The following PCDHGA11 variants were observed in gnomAD, a reference collection of about 807,000 sequenced individuals.
The protein encoded by PCDHGA11 is protocadherin gamma subfamily A, 11.
PCDHGA11 carries 39 observed loss-of-function variants against 60.4 expected under a neutral mutation model. The observed-to-expected ratio is 0.65, with a 90% CI of 0.50 to 0.84. PCDHGA11 has a LOEUF of 0.84. Ranked by LOEUF, PCDHGA11 falls within the 40% of genes least tolerant of loss-of-function variation. The pLI is 0.00. For synonymous variants in PCDHGA11, 533 were observed against 510.3 expected, an observed-to-expected ratio of 1.04 and a Z score of -0.60; for missense variants, 1,165 against 1,197.7, an observed-to-expected ratio of 0.97 and a Z score of 0.40.
chr5:141,486,901 T>A lies in PCDHGA11; in HGVS notation c.2434-7906T>A. The A allele has an allele frequency of 6.2e-7, 1 of 1,614,238 alleles. No homozygotes were observed. Among genetic ancestry groups the A allele is most frequent in the Non-Finnish European group, 8.5e-7 (1 of 1,180,042 alleles). ...CTCGGGCCCGGCCTGGTTCCTTATG[T>A]CCCCAAGCACTGCCTCCATCAGTTG... On this transcript the variant is annotated intron_variant, in intron 1 of 3. Transcript: ENST00000398587. This position sits in a 1 kb window ranked among gnomAD's most constrained non-coding sequence, Gnocchi z 5.0.
At position 141,486,634 on chromosome 5, in the gene PCDHGA11, T is replaced by C; in HGVS notation, c.2434-8173T>C. 1 of 1,613,762 alleles carries C rather than the reference T, an allele frequency of 6.2e-7. No individual in the cohort carries two copies. The highest frequency in any genetic ancestry group is 8.5e-7 in the Non-Finnish European group (1 of 1,180,044). ...CCTCTGACCCAGACTCTGGCTTGAA[T>C]GCGCTTATCTCCTACTCACTCCTGG... On this transcript the variant is annotated intron_variant, in intron 1 of 3. Coordinates refer to ENST00000398587, the MANE Select transcript of PCDHGA11 (RefSeq NM_018914.3). The surrounding 1 kb of genome is among the most constrained non-coding windows in gnomAD (Gnocchi z 5.0).
rs2096779089 is a variant in PCDHGA11, at chr5:141,423,760, G to GA, written c.2433+100_2433+101insA. On this transcript the variant is annotated intron_variant, in intron 1 of 3. Transcript: ENST00000398587. ...GTTATGAAAACTGTTTGGGGGGGGG[G>GA]TGGGGCGGCATATATTTAGTTCATA... 1.1e-5 allele frequency: 3 copies of GA among 279,664 alleles called. 1 individual carries two copies. Among genetic ancestry groups the GA allele is most frequent in the African/African-American group, 6.7e-5 (2 of 29,702 alleles). The allele number at this position is 279,664 out of a possible 1,614,324, so 17.3% of individuals were successfully genotyped here.
chr5:141,507,937 A>T (rs2154594220), intron 3 of PCDHGA11: 1 of 152,420 alleles, frequency 6.6e-6, no homozygotes, highest in Admixed American at 6.5e-5. Context: ...AGAGGGGTTA[A>T]GTAAGAGGGA....
Position 141,422,942 on chromosome 5 carries a change from G to A in PCDHGA11, c.1715G>A (p.Gly572Asp), listed in dbSNP as rs199976232. Reference sequence around the variant, plus strand: ...CTGTACCCTGCCCTCCCCACAGACGGCTCCACTGGCGTGGAGCTGGCGCCC... The same window carrying A: ...CTGTACCCTGCCCTCCCCACAGACGACTCCACTGGCGTGGAGCTGGCGCCC... ...EILYPALPTD[G>D]STGVELAPRS... The change falls in exon 1 of 4, where the codon GGC becomes GAC. Residue 572 changes from glycine to aspartate, a missense_variant. Physicochemically the swap from Gly to Asp is moderately conservative, Grantham distance 94. Transcript: ENST00000398587. 3.1e-6 allele frequency: 5 copies of A among 1,614,096 alleles called. No individual in the cohort carries two copies. Among genetic ancestry groups the A allele is most frequent in the Non-Finnish European group, 4.2e-6 (5 of 1,180,046 alleles).
rs536313993 is a variant in PCDHGA11, at chr5:141,436,142, T to G, written c.2433+12482T>G. Among the ~76,000 whole-genome samples, 46 of 152,334 alleles carry G rather than the reference T, an allele frequency of 3.0e-4. No homozygotes were observed. The South Asian group carries it at 3.1e-3, about 10-fold the overall frequency. ...CTCTCCTCCATCATCTTGTATGAAC[T>G]ACCAAAATGTTTATCATATGGACAG... On this transcript the variant is annotated intron_variant, in intron 1 of 3. Coordinates refer to ENST00000398587, the MANE Select transcript of PCDHGA11 (RefSeq NM_018914.3).
At chr5:141,466,871 T>G (rs1432611218) in intron 1 of PCDHGA11, among the ~76,000 whole-genome samples, 1 of 152,166 alleles carries the variant, frequency 6.6e-6, no homozygotes, top group Admixed American at 6.5e-5. Flanking sequence ...ATCCACACAT[T>G]TTTTTCATAA....
intron 1 of PCDHGA11, among the ~76,000 whole-genome samples, chr5:141,458,408 C>A (rs895785923): frequency 6.6e-6 from 1 of 151,932 alleles, no homozygotes; most frequent in East Asian, 1.9e-4. Flanking sequence ...AGAGACGGAG[C>A]GGGGGTTCCA....
rs1367772661 is a variant in PCDHGA11, at chr5:141,512,193, GGAAGCTC to G, written c.*1026_*1032del. 2.0e-5 allele frequency: 3 copies of G among 152,756 alleles called. No homozygotes were observed. Among genetic ancestry groups the G allele is most frequent in the Non-Finnish European group, 4.4e-5 (3 of 68,136 alleles). 9.5% of individuals were successfully genotyped at this position (152,756 alleles called of 1,614,324 possible). ...GGATTAAACTGGCATTTCAGTCCAAGGAAGCTCGAAGCAGGTTTAGGACCAGGTCCCC... is the reference window on the plus strand; with the variant it reads ...GGATTAAACTGGCATTTCAGTCCAAGGAAGCAGGTTTAGGACCAGGTCCCC... On this transcript the variant is annotated 3_prime_UTR_variant, in exon 4 of 4. Coordinates refer to ENST00000398587, the MANE Select transcript of PCDHGA11 (RefSeq NM_018914.3).
chr5:141,424,497 A>G (rs2096824503), intron 1 of PCDHGA11: 2 of 152,174 alleles, frequency 1.3e-5, no homozygotes, highest in African/African-American at 2.4e-5. Flanking sequence ...GTTTGTATGT[A>G]TGGAAGGTTT....
At position 141,491,681 on chromosome 5, in the gene PCDHGA11, C is replaced by T; in HGVS notation, c.2434-3126C>T. 6.2e-6 allele frequency: 10 copies of T among 1,613,458 alleles called. No homozygotes were observed. Among genetic ancestry groups the T allele is most frequent in the Non-Finnish European group, 8.5e-6 (10 of 1,179,804 alleles). On this transcript the variant is annotated intron_variant, in intron 1 of 3. Transcript: ENST00000398587. The surrounding 1 kb of genome is among the most constrained non-coding windows in gnomAD (Gnocchi z 6.9). ...GACGCCATCCGGTCCCGCTCTAATA[C>T]GCTGCGGGAGCGGAGCCAGGTGAGG...
chr5:141,432,093 C>A lies in PCDHGA11; in HGVS notation c.2433+8433C>A. The A allele has an allele frequency of 1.2e-6, 2 of 1,614,170 alleles. No homozygotes were observed. Among genetic ancestry groups the A allele is most frequent in the Non-Finnish European group, 1.7e-6 (2 of 1,180,046 alleles). On this transcript the variant is annotated intron_variant, in intron 1 of 3. Coordinates refer to ENST00000398587, the MANE Select transcript of PCDHGA11 (RefSeq NM_018914.3). The surrounding 1 kb of genome is among the most constrained non-coding windows in gnomAD (Gnocchi z 6.0). ...CATATCTCGCTGAACGTGGCAGACA[C>A]CAACGACAACCCGCCGGTCTTCCCT...
intron 2 of PCDHGA11, among the ~76,000 whole-genome samples, chr5:141,504,859 C>T (rs1396681670): frequency 6.6e-6 from 1 of 152,090 alleles, no homozygotes; most frequent in African/African-American, 2.4e-5. Context: ...TCTTCCATTT[C>T]CCACCTTCAC....
intron 1 of PCDHGA11, among the ~76,000 whole-genome samples, chr5:141,481,675 C>T (rs943204061): frequency 4.0e-5 from 6 of 151,490 alleles, no homozygotes; most frequent in Non-Finnish European, 5.9e-5. Context: ...AAAATCAGGC[C>T]GGGCCTGGTG....
Position 141,490,055 on chromosome 5 carries a change from G to A in PCDHGA11, c.2434-4752G>A, listed in dbSNP as rs746297447. The A allele has an allele frequency of 1.9e-6, 3 of 1,614,068 alleles. No individual in the cohort carries two copies. The Admixed American group carries it at 5.0e-5, about 27-fold the overall frequency. On this transcript the variant is annotated intron_variant, in intron 1 of 3. Transcript: ENST00000398587. This position sits in a 1 kb window ranked among gnomAD's most constrained non-coding sequence, Gnocchi z 5.4. ...CTCAATGCCACTGATCCAGACGAGG[G>A]CACCAACGGCCAACTAGACTATTCT...
At chr5:141,433,085 G>A in intron 1 of PCDHGA11, 1 of 1,614,170 alleles carries the variant, frequency 6.2e-7, no homozygotes, top group Non-Finnish European at 8.5e-7. Flanking sequence ...GCCCAACTAT[G>A]CAGACATGCT....
At chr5:141,438,591 C>CATACATAT (rs1228520343) in intron 1 of PCDHGA11, among the ~76,000 whole-genome samples, 2 of 75,562 alleles carry the variant, frequency 2.6e-5, no homozygotes, top group African/African-American at 4.5e-5. Context: ...TACATACATA[C>CATACATAT]ATATATATAT....
chr5:141,489,530 G>A lies in PCDHGA11; in HGVS notation c.2434-5277G>A. 6.2e-7 allele frequency: 1 copy of A among 1,614,092 alleles called. No homozygotes were observed. Among genetic ancestry groups the A allele is most frequent in the Non-Finnish European group, 8.5e-7 (1 of 1,180,022 alleles). On this transcript the variant is annotated intron_variant, in intron 1 of 3. Transcript: ENST00000398587. This position sits in a 1 kb window ranked among gnomAD's most constrained non-coding sequence, Gnocchi z 4.5. ...AAGATTGACCGAGAAAGCCTATGTGGAGCCAGCACCAGCTGCCTGCTGCCA... is the reference window on the plus strand; with the variant it reads ...AAGATTGACCGAGAAAGCCTATGTGAAGCCAGCACCAGCTGCCTGCTGCCA...
At chr5:141,434,952 C>T (rs1362599956) in intron 1 of PCDHGA11, among the ~76,000 whole-genome samples, 2 of 151,756 alleles carry the variant, frequency 1.3e-5, no homozygotes, top group East Asian at 3.9e-4. Flanking sequence ...AATTTATTAA[C>T]AATTTATAAA....
At chr5:141,436,676 G>T (rs1019010328) in intron 1 of PCDHGA11, among the ~76,000 whole-genome samples, 1 of 152,238 alleles carries the variant, frequency 6.6e-6, no homozygotes, top group African/African-American at 2.4e-5. Flanking sequence ...ACCAAAAAAA[G>T]GATTTATATT....
Sources: gnomAD v4.1 joint callset for allele counts (sites outside exome capture counted in the v4.1 genomes callset) on GRCh38, gnomAD v4.1.1 for gene constraint, Gnocchi (gnomAD v3.1) non-coding constraint, MANE v1.5 for transcripts, NCBI Gene and HGNC (gene_info 2026-07-23, HGNC 2026-07-21) for gene names.